The following TRIM68 variants were observed in gnomAD, a reference collection of about 807,000 sequenced individuals.
The protein encoded by TRIM68 is E3 ubiquitin-protein ligase TRIM68.
TRIM68 carries 36 observed loss-of-function variants against 41.9 expected under a neutral mutation model. That is an observed-to-expected ratio of 0.86 (90% CI 0.66 to 1.14). TRIM68 has a LOEUF of 1.14. TRIM68 is among the 50% of genes most tolerant of loss of function. The probability of loss-of-function intolerance (pLI) is 0.00; values close to 1 mark genes in which losing one functional copy is unlikely to be tolerated. For missense variants in TRIM68, 632 were observed against 605.1 expected, an observed-to-expected ratio of 1.04 and a Z score of -0.47; for synonymous variants, 225 against 224.6, an observed-to-expected ratio of 1.00 and a Z score of -0.02.
In TRIM68 at chr11:4,601,026, C is replaced by T. The variant is rs2231971; in HGVS notation, c.907+1G>A. On this transcript the variant is annotated splice_donor_variant, in intron 6 of 6. Coordinates refer to ENST00000300747, the MANE Select transcript of TRIM68 (RefSeq NM_018073.8). LOFTEE classifies it high-confidence loss of function. Reference sequence around the variant, plus strand: ...CTACAGTCTCCCCCAGGATCCATTACCTGCATAAGTCTTCAGGATCTCTCT... The same window carrying T: ...CTACAGTCTCCCCCAGGATCCATTATCTGCATAAGTCTTCAGGATCTCTCT... 4.9e-5 allele frequency: 79 copies of T among 1,613,762 alleles called. No individual in the cohort carries two copies. The Admixed American group carries it at 1.3e-3, about 27-fold the overall frequency.
rs1487394494 is a variant in TRIM68, at chr11:4,608,146, G to A, written c.-177C>T. 2 of 152,500 alleles carry A rather than the reference G, an allele frequency of 1.3e-5. No individual in the cohort carries two copies. The highest frequency in any genetic ancestry group is 1.3e-4 in the Admixed American group (2 of 15,290). The allele number at this position is 152,500 out of a possible 1,614,324, so 9.4% of individuals were successfully genotyped here. On this transcript the variant is annotated 5_prime_UTR_variant, in exon 1 of 7. Coordinates refer to ENST00000300747, the MANE Select transcript of TRIM68 (RefSeq NM_018073.8). The stretch of plus-strand genomic sequence containing the variant: ...CGTTCCCGGCAGCTCAGCACTTAGG[G>A]CCAGAGAGCGGCAGAGGCCCAGAAC...
intron 4 of TRIM68, 110 bp downstream of exon 4, chr11:4,602,042 A>AGCTGGCAGAGG (rs1210062845): frequency 6.1e-6 from 9 of 1,487,284 alleles, no homozygotes; most frequent in African/African-American, 1.4e-5. Context: ...ATCCATGACC[A>AGCTGGCAGAGG]GCTGGCAGAG....
rs146898853 is a variant in TRIM68, at chr11:4,600,566, G to C, written c.1168C>G (p.His390Asp). The change falls in exon 7 of 7, where the codon CAC becomes GAC. Residue 390 changes from histidine (H) to aspartate (D), a missense_variant. Physicochemically the swap from His to Asp is moderately conservative, Grantham distance 81. Coordinates refer to ENST00000300747, the MANE Select transcript of TRIM68 (RefSeq NM_018073.8). ...AGCCTTATCACCCAGAATCCATAGT[G>C]GGGGGATAAGTAGACCACCTCCTTC... Reference protein sequence around the residue: ...DRKEVVYLSPHYGFWVIRLRK... With the variant: ...DRKEVVYLSPDYGFWVIRLRK... 6.9e-5 allele frequency: 111 copies of C among 1,613,936 alleles called. 2 individuals carry two copies. The highest frequency in any genetic ancestry group is 8.3e-5 in the Non-Finnish European group (98 of 1,180,002).
chr11:4,603,251 G>C lies in TRIM68; in HGVS notation c.516C>G (p.Thr172=). 6.2e-7 allele frequency: 1 copy of C among 1,614,204 alleles called. No individual in the cohort carries two copies. Residue 172 remains threonine (T), a synonymous_variant, in exon 3 of 7, where the codon ACC becomes ACG. Transcript: ENST00000300747. ...LEVGERKRTA[T]WKIQVETRKQ... ...TCCCCACGAGGCAACCTGCCTTCCA[G>C]GTGGCAGTTCGTTTCCTTTCACCAA...
At position 4,600,907 on chromosome 11, in the gene TRIM68, A is replaced by G. The variant is rs1344337753; in HGVS notation, c.908-81T>C. ...AGAGCCCTCTGATAAATTCAGCCAC[A>G]GATTTCTCAATGATGAAGGGGTGAG... On this transcript the variant is annotated intron_variant, in intron 6 of 6. Coordinates refer to ENST00000300747, the MANE Select transcript of TRIM68 (RefSeq NM_018073.8). 1.0e-5 allele frequency: 16 copies of G among 1,572,380 alleles called. 1 individual carries two copies. The South Asian group carries it at 1.7e-4, about 17-fold the overall frequency.
Position 4,600,298 on chromosome 11 carries a change from C to A in TRIM68, c.1436G>T (p.Cys479Phe). 1 of 1,587,850 alleles carries A rather than the reference C, an allele frequency of 6.3e-7. No homozygotes were observed. The highest frequency in any genetic ancestry group is 1.3e-5 in the African/African-American group (1 of 74,400). ...GTNNTAPLAI[C>F]SLDGED is the part of the protein sequence containing the mutation. ...TTCTTAGTCCTCCCCATCCAGGGAG[C>A]AGATGGCCAGAGGAGCAGTGTTGTT... The change falls in exon 7 of 7, where the codon TGC becomes TTC. Residue 479 changes from cysteine to phenylalanine, a missense_variant. By Grantham distance (205) the Cys-to-Phe change is radical. Coordinates refer to ENST00000300747, the MANE Select transcript of TRIM68 (RefSeq NM_018073.8).
chr11:4,607,100 T>C (rs537211051), intron 1 of TRIM68, among the ~76,000 whole-genome samples: 1 of 152,248 alleles, frequency 6.6e-6, no homozygotes, highest in Admixed American at 6.5e-5. Flanking sequence ...GGAATAAACT[T>C]CCACACACTC....
chr11:4,601,693 G>A lies in TRIM68; in HGVS notation c.784-7C>T. On this transcript the variant is annotated splice_polypyrimidine_tract_variant and splice_region_variant and intron_variant, in intron 4 of 6. Transcript: ENST00000300747. ...TTAACACTTCCTGAATATCCTGGAA[G>A]GAGAAAAAAAAATGCAGCATCTGAG... is the stretch of plus-strand genomic sequence containing the variant. 2 of 1,613,692 alleles carry A rather than the reference G, an allele frequency of 1.2e-6. No individual in the cohort carries two copies. Among genetic ancestry groups the A allele is most frequent in the Non-Finnish European group, 8.5e-7 (1 of 1,179,870 alleles).
chr11:4,604,924 G>A (rs1846545188), intron 2 of TRIM68, among the ~76,000 whole-genome samples, 155 bp downstream of exon 2: 1 of 152,196 alleles, frequency 6.6e-6, no homozygotes, highest in African/African-American at 2.4e-5. Flanking sequence ...TACAAGGAAA[G>A]GTATAGCTCT....
Position 4,602,362 on chromosome 11 carries a change from G to T in TRIM68, c.573C>A (p.Tyr191Ter). The change falls in exon 4 of 7, where the codon TAC becomes TAA. Residue 191 changes from tyrosine to a stop codon, truncating the protein, a stop_gained. Coordinates refer to ENST00000300747, the MANE Select transcript of TRIM68 (RefSeq NM_018073.8). LOFTEE classifies it high-confidence loss of function. ...KQSIVWEFEK[Y>*]QRLLEKKQPP... ...GCTGCTTTTTCTCTAGTAATCGCTG[G>T]TATTTTTCAAACTCCCATACAATAC... 1 of 1,614,062 alleles carries T rather than the reference G, an allele frequency of 6.2e-7. No individual in the cohort carries two copies. Among genetic ancestry groups the T allele is most frequent in the East Asian group, 2.2e-5 (1 of 44,882 alleles).
chr11:4,602,157 A>G lies in TRIM68; in HGVS notation c.778T>C (p.Leu260=). 1 of 1,614,150 alleles carries G rather than the reference A, an allele frequency of 6.2e-7. No homozygotes were observed. The highest frequency in any genetic ancestry group is 1.3e-5 in the African/African-American group (1 of 75,032). The change falls in exon 4 of 7, where the codon TTG becomes CTG. Residue 260 remains leucine, a synonymous_variant. Transcript: ENST00000300747. The stretch of plus-strand genomic sequence containing the variant: ...CAGGAAAACCTACTACTCACCTGCA[A>G]CATCCAGCGGACAGGCCTCTGCGAC... ...ERSQRPVRWM[L]QDIQEVLNRS... is the part of the protein sequence containing the mutation.
rs116738529 is a variant in TRIM68, at chr11:4,607,372, G to A, written c.-58+655C>T. ...TGTAAATGTTGAGTTCCAACCGATA[G>A]TAGATTGAAAGTGGAGGATGTGTTA... On this transcript the variant is annotated intron_variant, in intron 1 of 6. Coordinates refer to ENST00000300747, the MANE Select transcript of TRIM68 (RefSeq NM_018073.8). 4.5e-3 allele frequency among the ~76,000 whole-genome samples: 678 copies of A among 152,328 alleles called. 3 individuals are homozygous for A. Among genetic ancestry groups the A allele is most frequent in the African/African-American group, 0.016 (648 of 41,582 alleles).
intron 4 of TRIM68, 72 bp from the exon 5 acceptor site, chr11:4,601,758 A>G: frequency 1.3e-6 from 2 of 1,572,676 alleles, no homozygotes; most frequent in Non-Finnish European, 1.8e-6. Context: ...TCGAACTGGC[A>G]GGGAGTTTCT....
At position 4,601,646 on chromosome 11, in the gene TRIM68, C is replaced by T. The variant is rs779749988; in HGVS notation, c.806+18G>A. Reference sequence around the variant, plus strand: ...TCCCCTACAGGGCTGCTTAGAGGCTCCAAGGGTGAGAACATACCTGTTTAA... The same window carrying T: ...TCCCCTACAGGGCTGCTTAGAGGCTTCAAGGGTGAGAACATACCTGTTTAA... On this transcript the variant is annotated intron_variant, in intron 5 of 6. Coordinates refer to ENST00000300747, the MANE Select transcript of TRIM68 (RefSeq NM_018073.8). 2 of 1,613,892 alleles carry T rather than the reference C, an allele frequency of 1.2e-6. No homozygotes were observed. The highest frequency in any genetic ancestry group is 1.7e-6 in the Non-Finnish European group (2 of 1,179,954).
At position 4,602,170 on chromosome 11, in the gene TRIM68, A is replaced by G; in HGVS notation, c.765T>C (p.Pro255=). 6.2e-7 allele frequency: 1 copy of G among 1,614,202 alleles called. No individual in the cohort carries two copies. Among genetic ancestry groups the G allele is most frequent in the Non-Finnish European group, 8.5e-7 (1 of 1,180,032 alleles). Residue 255 remains proline, a synonymous_variant, in exon 4 of 7, where the codon CCT becomes CCC. Transcript: ENST00000300747. ...TACTCACCTGCAACATCCAGCGGAC[A>G]GGCCTCTGCGACCTCTCTTTCAACT... ...IAELKERSQR[P]VRWMLQDIQE...
chr11:4,600,447 A>G lies in TRIM68; in HGVS notation c.1287T>C (p.Tyr429=). ...TGTAGAAAGAAATGTCATGGGCCTCATAATCCACGAAGATTCCCACCCGGC... is the reference window on the plus strand; with the variant it reads ...TGTAGAAAGAAATGTCATGGGCCTCGTAATCCACGAAGATTCCCACCCGGC... ...PPRRVGIFVD[Y]EAHDISFYNV... The change falls in exon 7 of 7, where the codon TAT becomes TAC. Residue 429 remains tyrosine, a synonymous_variant. Coordinates refer to ENST00000300747, the MANE Select transcript of TRIM68 (RefSeq NM_018073.8). 2 of 1,613,886 alleles carry G rather than the reference A, an allele frequency of 1.2e-6. No homozygotes were observed. The highest frequency in any genetic ancestry group is 1.7e-6 in the Non-Finnish European group (2 of 1,179,902).
chr11:4,602,978 C>A (rs1032449599), intron 3 of TRIM68, among the ~76,000 whole-genome samples: 1 of 152,218 alleles, frequency 6.6e-6, no homozygotes, highest in African/African-American at 2.4e-5. Context: ...CCACTGTGAG[C>A]TGACACACGT....
Position 4,603,344 on chromosome 11 carries a change from C to T in TRIM68, c.427-4G>A. On this transcript the variant is annotated splice_region_variant and splice_polypyrimidine_tract_variant and intron_variant, in intron 2 of 6. Coordinates refer to ENST00000300747, the MANE Select transcript of TRIM68 (RefSeq NM_018073.8). ...CGAGGGCCTCATGAAGTTCCCACTG[C>T]AAGAGACAAAACCCTCATGAGGCCA... 1 of 1,614,062 alleles carries T rather than the reference C, an allele frequency of 6.2e-7. No homozygotes were observed. The highest frequency in any genetic ancestry group is 1.7e-5 in the Admixed American group (1 of 60,030).
chr11:4,607,263 G>C (rs563387172), intron 1 of TRIM68, among the ~76,000 whole-genome samples: 4 of 152,298 alleles, frequency 2.6e-5, no homozygotes, highest in South Asian at 2.1e-4. Context: ...CATGTGGATA[G>C]GGTCATTGTC....
Sources: gnomAD v4.1 joint callset for allele counts (sites outside exome capture counted in the v4.1 genomes callset) on GRCh38, gnomAD v4.1.1 for gene constraint, MANE v1.5 for transcripts, NCBI Gene and HGNC (gene_info 2026-07-23, HGNC 2026-07-21) for gene names.